Variants in PXDNL observed in about 807,000 individuals in gnomAD.
PXDNL encodes the protein probable oxidoreductase PXDNL.
PXDNL carries 145 observed loss-of-function variants against 150.8 expected under a neutral mutation model. The observed-to-expected ratio is 0.96, with a 90% CI of 0.84 to 1.10. The LOEUF is 1.10. PXDNL is among the 50% of genes least tolerant of loss of function. The probability of loss-of-function intolerance (pLI) is 0.00; values close to 1 mark genes in which losing one functional copy is unlikely to be tolerated. For synonymous variants in PXDNL, 757 were observed against 725.7 expected (o/e 1.04, Z -0.69); for missense variants, 2,087 against 1,873.9 (o/e 1.11, Z -2.10).
intron 4 of PXDNL, among the ~76,000 whole-genome samples, chr8:51,506,309 A>G (rs1006694408): frequency 3.9e-5 from 6 of 152,104 alleles, no homozygotes; most frequent in Non-Finnish European, 5.9e-5. Flanking sequence ...TTGGGAGGCC[A>G]AGGCGGGCGG....
chr8:51,615,209 T>A (rs1814106208), intron 2 of PXDNL, among the ~76,000 whole-genome samples: 2 of 152,132 alleles, frequency 1.3e-5, no homozygotes, highest in Admixed American at 1.3e-4. Flanking sequence ...TATTCCTTCT[T>A]ACTGGCATTT....
In PXDNL at chr8:51,523,477, A is replaced by G. The variant is rs562701757; in HGVS notation, c.381-23707T>C. Among the ~76,000 whole-genome samples, 3 of 152,332 alleles carry G rather than the reference A, an allele frequency of 2.0e-5. No homozygotes were observed. In the South Asian group the frequency reaches 6.2e-4, roughly 32 times the overall value. On this transcript the variant is annotated intron_variant, in intron 4 of 22. Coordinates refer to ENST00000356297, the MANE Select transcript of PXDNL (RefSeq NM_144651.5). ...TGTTCTGCTACTAACTTATCTTGTGATTTTGAGAAATTCAGTTCTGTCTCA... is the reference window on the plus strand; with the variant it reads ...TGTTCTGCTACTAACTTATCTTGTGGTTTTGAGAAATTCAGTTCTGTCTCA...
intron 1 of PXDNL, among the ~76,000 whole-genome samples, chr8:51,662,171 C>A (rs192345694): frequency 6.6e-6 from 1 of 152,096 alleles, no homozygotes; most frequent in Admixed American, 6.5e-5. Flanking sequence ...TCCTTATTTT[C>A]GGGTCTGCAG....
intron 7 of PXDNL, 64 bp downstream of exon 7, chr8:51,474,908 C>T: frequency 7.4e-7 from 1 of 1,347,956 alleles, no homozygotes; most frequent in Non-Finnish European, 1.0e-6. Context: ...ATATAATAAA[C>T]CTTTACAAAA....
chr8:51,570,262 C>A (rs1456941900), intron 3 of PXDNL, among the ~76,000 whole-genome samples: 1 of 151,884 alleles, frequency 6.6e-6, no homozygotes, highest in Non-Finnish European at 1.5e-5. Context: ...CTGTGGGTTC[C>A]ACTAGGTAAA....
chr8:51,771,764 G>A (rs956009800), intron 1 of PXDNL, among the ~76,000 whole-genome samples: 1 of 152,082 alleles, frequency 6.6e-6, no homozygotes, highest in African/African-American at 2.4e-5. Context: ...AAGAGACAGG[G>A]CTCTTCTACC....
At chr8:51,433,867 G>A (rs1182967823) in intron 12 of PXDNL, among the ~76,000 whole-genome samples, 1 of 151,994 alleles carries the variant, frequency 6.6e-6, no homozygotes, top group Non-Finnish European at 1.5e-5. Context: ...TCCATTGTAA[G>A]TCAGTATTTA....
At chr8:51,447,198 C>T (rs1809696600) in intron 11 of PXDNL, 36 bp from the exon 12 acceptor site, 26 of 1,598,434 alleles carry the variant, frequency 1.6e-5, no homozygotes, top group Non-Finnish European at 2.2e-5. Flanking sequence ...TCTTCATGGC[C>T]CAGAGCACTG....
intron 2 of PXDNL, among the ~76,000 whole-genome samples, chr8:51,626,803 G>A (rs1412689843): frequency 6.6e-6 from 1 of 152,014 alleles, no homozygotes; most frequent in Non-Finnish European, 1.5e-5. Flanking sequence ...TCATATACAA[G>A]CCAGTTTGTT....
intron 2 of PXDNL, among the ~76,000 whole-genome samples, chr8:51,615,752 T>C (rs1475717654): frequency 6.6e-6 from 1 of 152,244 alleles, no homozygotes; most frequent in Non-Finnish European, 1.5e-5. Flanking sequence ...ATAACACATT[T>C]ACAATTCATA....
chr8:51,421,078 T>C (rs1449185898), intron 14 of PXDNL, among the ~76,000 whole-genome samples: 1 of 152,182 alleles, frequency 6.6e-6, no homozygotes, highest in Non-Finnish European at 1.5e-5. Context: ...GATTCTGAAA[T>C]GTTTTTTCAC....
At chr8:51,542,282 T>C (rs1006610690) in intron 4 of PXDNL, among the ~76,000 whole-genome samples, 3 of 152,156 alleles carry the variant, frequency 2.0e-5, no homozygotes, top group Non-Finnish European at 4.4e-5. Flanking sequence ...CATGATAAAA[T>C]GGGCCAAAGC....
At chr8:51,672,955 G>T (rs1205574537) in intron 1 of PXDNL, among the ~76,000 whole-genome samples, 1 of 151,976 alleles carries the variant, frequency 6.6e-6, no homozygotes, top group Non-Finnish European at 1.5e-5. Context: ...AAGAAAACAG[G>T]ATTAAATTCA....
At chr8:51,583,247 C>T (rs1349672478) in intron 3 of PXDNL, among the ~76,000 whole-genome samples, 5 of 152,052 alleles carry the variant, frequency 3.3e-5, no homozygotes, top group Non-Finnish European at 5.9e-5. Flanking sequence ...GTATGAGGAA[C>T]ATGGCGCCAG....
At chr8:51,618,282 C>T (rs1814172171) in intron 2 of PXDNL, among the ~76,000 whole-genome samples, 1 of 152,150 alleles carries the variant, frequency 6.6e-6, no homozygotes, top group Admixed American at 6.5e-5. Flanking sequence ...TGGAAATCAG[C>T]GGGTGTTGGC....
chr8:51,558,190 C>T (rs1411479417), intron 3 of PXDNL, among the ~76,000 whole-genome samples: 1 of 151,906 alleles, frequency 6.6e-6, no homozygotes, highest in Non-Finnish European at 1.5e-5. Context: ...ATTTGTAAGG[C>T]CTCATTTTGA....
At chr8:51,636,807 T>G (rs1814612854) in intron 2 of PXDNL, among the ~76,000 whole-genome samples, 2 of 152,086 alleles carry the variant, frequency 1.3e-5, no homozygotes, top group Non-Finnish European at 2.9e-5. Flanking sequence ...ATGACTTTTT[T>G]TTTTTTTCTG....
At chr8:51,729,036 G>C (rs1816870405) in intron 1 of PXDNL, among the ~76,000 whole-genome samples, 1 of 152,094 alleles carries the variant, frequency 6.6e-6, no homozygotes, top group Non-Finnish European at 1.5e-5. Context: ...ACTTACCCTT[G>C]TATTCCAGTT....
intron 17 of PXDNL, among the ~76,000 whole-genome samples, chr8:51,396,854 T>C (rs1808098119): frequency 6.6e-6 from 1 of 152,216 alleles, no homozygotes; most frequent in Non-Finnish European, 1.5e-5. Context: ...AGATCTTGTG[T>C]TGGAAGCAAT....
Sources: gnomAD v4.1 joint callset for allele counts (sites outside exome capture counted in the v4.1 genomes callset) on GRCh38, gnomAD v4.1.1 for gene constraint, MANE v1.5 for transcripts, NCBI Gene and HGNC (gene_info 2026-07-23, HGNC 2026-07-21) for gene names.